The following GRID2 variants were observed in gnomAD, a reference collection of about 807,000 sequenced individuals.
The protein encoded by GRID2 is glutamate ionotropic receptor delta type subunit 2.
A neutral mutation model predicts 114.8 loss-of-function variants in GRID2; 33 were observed. The ratio of observed to expected loss-of-function variants is 0.29; its 90% confidence interval spans 0.22 to 0.38. GRID2 has a LOEUF of 0.38. Among genes scored for constraint, GRID2 ranks in the 10% least tolerant of loss-of-function variants. The pLI, the probability that GRID2 is intolerant of heterozygous loss-of-function variation, is 1.00. For synonymous variants in GRID2, 505 were observed against 449.9 expected, an observed-to-expected ratio of 1.12 and a Z score of -1.55; for missense variants, 1,184 against 1,257.7, an observed-to-expected ratio of 0.94 and a Z score of 0.89.
intron 2 of GRID2, among the ~76,000 whole-genome samples, chr4:93,064,204 ACTAT>A (rs1449404545): frequency 4.6e-5 from 7 of 150,888 alleles, no homozygotes; most frequent in East Asian, 3.9e-4. Flanking sequence ...CCAACCTAAT[ACTAT>A]CTATTTATAT....
intron 1 of GRID2, among the ~76,000 whole-genome samples, chr4:92,533,286 T>C (rs1327323918): frequency 1.3e-5 from 2 of 151,810 alleles, no homozygotes; most frequent in East Asian, 3.9e-4. Context: ...AGGAAAAATA[T>C]TCAACATTTA....
chr4:92,438,798 T>C lies in GRID2; in HGVS notation c.88+134054T>C, dbSNP rs568318606. 5.9e-5 allele frequency among the ~76,000 whole-genome samples: 9 copies of C among 152,356 alleles called. No homozygotes were observed. The South Asian group carries it at 1.0e-3, about 18-fold the overall frequency. Reference sequence around the variant, plus strand: ...AACCCTCAAGAAGAAAATCTGTAGATACATGAATGCTTATTCTTTTACCAA... The same window carrying C: ...AACCCTCAAGAAGAAAATCTGTAGACACATGAATGCTTATTCTTTTACCAA... On this transcript the variant is annotated intron_variant, in intron 1 of 15. Coordinates refer to ENST00000282020, the MANE Select transcript of GRID2 (RefSeq NM_001510.4).
At chr4:92,452,947 T>C (rs1457589078) in intron 1 of GRID2, among the ~76,000 whole-genome samples, 1 of 147,716 alleles carries the variant, frequency 6.8e-6, no homozygotes, top group Non-Finnish European at 1.5e-5. Context: ...CTGACAGGTG[T>C]GTGTGTGTGT....
intron 2 of GRID2, among the ~76,000 whole-genome samples, chr4:92,922,449 C>G (rs1172040516): frequency 6.6e-6 from 1 of 152,130 alleles, no homozygotes; most frequent in Non-Finnish European, 1.5e-5. Flanking sequence ...ATGCTGGGAG[C>G]TGTAGACTGG....
At chr4:92,982,842 T>C (rs551144073) in intron 2 of GRID2, among the ~76,000 whole-genome samples, 1 of 152,292 alleles carries the variant, frequency 6.6e-6, no homozygotes, top group South Asian at 2.1e-4. Flanking sequence ...ATTTCTACTT[T>C]TTTAATTTAA....
At position 92,304,673 on chromosome 4, in the gene GRID2, T is replaced by A. The variant is rs1220560958; in HGVS notation, c.17T>A (p.Phe6Tyr). 3.1e-6 allele frequency: 5 copies of A among 1,612,582 alleles called. No homozygotes were observed. Among genetic ancestry groups the A allele is most frequent in the Non-Finnish European group, 2.5e-6 (3 of 1,178,782 alleles). Residue 6 changes from phenylalanine to tyrosine, a missense_variant, in exon 1 of 16, where the codon TTT (phenylalanine) becomes TAT (tyrosine). Physicochemically the swap from Phe to Tyr is conservative, Grantham distance 22. This residue lies in a region of GRID2 where 455 missense variants were observed against 429.5 expected (regional missense o/e 1.06). Coordinates refer to ENST00000282020, the MANE Select transcript of GRID2 (RefSeq NM_001510.4). The stretch of plus-strand genomic sequence containing the variant: ...TAGGAGGAGATGGAAGTTTTCCCCT[T>A]TCTCTTGGTTTTGTCCGTCTGGTGG... MEVFP[F>Y]LLVLSVWWSR...
intron 1 of GRID2, among the ~76,000 whole-genome samples, chr4:92,356,393 G>C (rs1028909184): frequency 2.0e-5 from 3 of 151,138 alleles, no homozygotes; most frequent in African/African-American, 7.3e-5. Context: ...AAAATTAGAG[G>C]TTTAGGAAAA....
chr4:92,878,070 A>G (rs2149453729), intron 2 of GRID2, among the ~76,000 whole-genome samples: 1 of 152,282 alleles, frequency 6.6e-6, no homozygotes, highest in East Asian at 1.9e-4. Context: ...AATAAAGGCA[A>G]CATGGCAGTT....
At chr4:92,317,019 G>A (rs750066106) in intron 1 of GRID2, among the ~76,000 whole-genome samples, 20 of 152,090 alleles carry the variant, frequency 1.3e-4, no homozygotes, top group Non-Finnish European at 2.5e-4. Flanking sequence ...AGGAGGAGGC[G>A]TTAAGATGTG....
At position 93,331,314 on chromosome 4, in the gene GRID2, C is replaced by A. The variant is rs184853417; in HGVS notation, c.1246-64293C>A. 8.0e-5 allele frequency among the ~76,000 whole-genome samples: 12 copies of A among 150,494 alleles called. No homozygotes were observed. The South Asian group carries it at 8.3e-4, about 10-fold the overall frequency. ...AGTTATTCTCTCTGCTTGGGAAATT[C>A]TTCTCCCGTATATAGCCATGGCTCA... On this transcript the variant is annotated intron_variant, in intron 8 of 15. Transcript: ENST00000282020.
At position 92,544,976 on chromosome 4, in the gene GRID2, C is replaced by T. The variant is rs555597613; in HGVS notation, c.89-45155C>T. Among the ~76,000 whole-genome samples the T allele has an allele frequency of 5.3e-5, 8 of 151,652 alleles. No individual in the cohort carries two copies. In the South Asian group the frequency reaches 1.7e-3, roughly 32 times the overall value. On this transcript the variant is annotated intron_variant, in intron 1 of 15. Transcript: ENST00000282020. The stretch of plus-strand genomic sequence containing the variant: ...TACACCTTTATTCTTTTTATGGCAC[C>T]CGAGAAATACATCCCATATTTCATA...
chr4:93,065,919 G>A (rs1728250450), intron 2 of GRID2, among the ~76,000 whole-genome samples: 1 of 151,854 alleles, frequency 6.6e-6, no homozygotes, highest in Non-Finnish European at 1.5e-5. Context: ...AACATTTACT[G>A]AGTGTTCACT....
intron 2 of GRID2, among the ~76,000 whole-genome samples, chr4:92,777,957 G>A (rs763089708): frequency 6.6e-6 from 1 of 152,056 alleles, no homozygotes; most frequent in Non-Finnish European, 1.5e-5. Flanking sequence ...GGAGTCCTAC[G>A]TTTAACCCCC....
intron 2 of GRID2, among the ~76,000 whole-genome samples, chr4:92,779,361 G>A (rs1413465783): frequency 6.6e-6 from 1 of 151,920 alleles, no homozygotes; most frequent in Non-Finnish European, 1.5e-5. Context: ...AAATCTTTAT[G>A]TAAATAATAT....
chr4:92,398,173 A>G (rs775391585), intron 1 of GRID2, among the ~76,000 whole-genome samples: 7 of 152,220 alleles, frequency 4.6e-5, no homozygotes, highest in Admixed American at 6.5e-5. Context: ...TATGCAATTA[A>G]GAAGATGGAA....
At chr4:92,934,175 T>C (rs1436470727) in intron 2 of GRID2, among the ~76,000 whole-genome samples, 1 of 151,844 alleles carries the variant, frequency 6.6e-6, no homozygotes, top group Admixed American at 6.6e-5. Context: ...GCGTGGAATG[T>C]TCTTCCATTT....
chr4:93,648,136 T>C (rs774463536), intron 14 of GRID2, among the ~76,000 whole-genome samples: 2 of 152,076 alleles, frequency 1.3e-5, no homozygotes, highest in South Asian at 2.1e-4. Context: ...TAAACTCAAC[T>C]GGAAAATTAT....
intron 2 of GRID2, among the ~76,000 whole-genome samples, chr4:92,900,258 C>T (rs889140421): frequency 6.6e-5 from 10 of 152,232 alleles, no homozygotes; most frequent in Admixed American, 6.5e-4. Flanking sequence ...AATCATTTAA[C>T]GTTTTATCTA....
At chr4:93,708,321 A>G (rs1038136360) in intron 14 of GRID2, among the ~76,000 whole-genome samples, 2 of 151,946 alleles carry the variant, frequency 1.3e-5, no homozygotes, top group Non-Finnish European at 2.9e-5. Context: ...TTATTGTATC[A>G]GGGGTTTATG....
Sources: allele counts gnomAD v4.1 joint callset (sites outside exome capture counted in the v4.1 genomes callset), GRCh38; gene constraint gnomAD v4.1.1; regional missense constraint gnomAD v4.1.1; transcripts MANE v1.5; gene names NCBI Gene and HGNC (gene_info 2026-07-23, HGNC 2026-07-21).